The following LRRC2 variants were observed in gnomAD, a reference collection of about 807,000 sequenced individuals.
The protein encoded by LRRC2 is leucine-rich repeat-containing protein 2.
In LRRC2, 27 loss-of-function variants were observed where a neutral mutation model predicts 40.2. The observed-to-expected ratio is 0.67, with a 90% CI of 0.49 to 0.93. The LOEUF (loss-of-function observed/expected upper bound fraction) is 0.93, where lower values mean the gene tolerates loss of function less well. LRRC2 is among the 40% of genes least tolerant of loss of function. The pLI, the probability that LRRC2 is intolerant of heterozygous loss-of-function variation, is 0.00. For missense variants in LRRC2, 402 were observed against 439.6 expected, an observed-to-expected ratio of 0.91 and a Z score of 0.76; for synonymous variants, 147 against 158.9, an observed-to-expected ratio of 0.92 and a Z score of 0.56.
Position 46,518,808 on chromosome 3 carries a change from T to C in LRRC2, c.*206A>G, listed in dbSNP as rs956578893. 8.0e-6 allele frequency: 4 copies of C among 497,846 alleles called. No homozygotes were observed. Among genetic ancestry groups the C allele is most frequent in the Non-Finnish European group, 1.4e-5 (4 of 282,290 alleles). The allele number at this position is 497,846 out of a possible 1,614,324, so 30.8% of individuals were successfully genotyped here. On this transcript the variant is annotated 3_prime_UTR_variant, in exon 9 of 9. Transcript: ENST00000395905. ...ATGCAAATGAACCTGGAAATATCAA[T>C]ATACAAACCAATTTTTCAATTCTCC... is the stretch of plus-strand genomic sequence containing the variant.
At chr3:46,561,873 T>G (rs562687050) in intron 1 of LRRC2, among the ~76,000 whole-genome samples, 2 of 152,152 alleles carry the variant, frequency 1.3e-5, no homozygotes, top group African/African-American at 4.8e-5. Context: ...ATACCCCAGC[T>G]TGGTCCCCAG....
At chr3:46,543,618 T>TTAATAATAATAATAATAATAATAA (rs202012137) in intron 3 of LRRC2, among the ~76,000 whole-genome samples, 1 of 105,104 alleles carries the variant, frequency 9.5e-6, no homozygotes, top group African/African-American at 3.0e-5. Context: ...TCCATCTCAA[T>TTAATAATAATAATAATAATAATAA]TAATAATAAT....
intron 7 of LRRC2, among the ~76,000 whole-genome samples, chr3:46,525,327 T>G (rs540650216): frequency 2.6e-5 from 4 of 151,994 alleles, no homozygotes. Flanking sequence ...CATGACTCAC[T>G]GTAACATCGA....
chr3:46,540,263 G>A lies in LRRC2; in HGVS notation c.334-1062C>T, dbSNP rs138212377. On this transcript the variant is annotated intron_variant, in intron 3 of 8. Coordinates refer to ENST00000395905, the MANE Select transcript of LRRC2 (RefSeq NM_024512.5). ...AAGTGGGCCGGGCACAGTGGCTCAC[G>A]CCTGTAATCCCAGCAATTTGGGAGG... 3.9e-3 allele frequency among the ~76,000 whole-genome samples: 595 copies of A among 152,318 alleles called. 4 individuals carry two copies. Among genetic ancestry groups the A allele is most frequent in the African/African-American group, 0.013 (525 of 41,570 alleles).
Position 46,553,946 on chromosome 3 carries a change from T to G in LRRC2, c.-19-2336A>C, listed in dbSNP as rs1365407215. Among the ~76,000 whole-genome samples, 3 of 152,230 alleles carry G rather than the reference T, an allele frequency of 2.0e-5. No homozygotes were observed. The East Asian group carries it at 5.8e-4, about 29-fold the overall frequency. ...TGACCTAATTTATTCCCTTCTTTCC[T>G]TTGATTTCTGATGTCTGAGACTGCC... On this transcript the variant is annotated intron_variant, in intron 1 of 8. Coordinates refer to ENST00000395905, the MANE Select transcript of LRRC2 (RefSeq NM_024512.5).
chr3:46,531,507 G>C (rs1043483379), intron 5 of LRRC2, among the ~76,000 whole-genome samples: 12 of 152,194 alleles, frequency 7.9e-5, no homozygotes, highest in African/African-American at 2.4e-4. Flanking sequence ...GATGAGAACG[G>C]TTAGACAGAA....
rs1250590153 is a variant in LRRC2, at chr3:46,534,419, CCTTCCTTTCTTTCTTT to C, written c.491-1526_491-1511del. On this transcript the variant is annotated intron_variant, in intron 4 of 8. Coordinates refer to ENST00000395905, the MANE Select transcript of LRRC2 (RefSeq NM_024512.5). ...TTCTTTCTTTTCTTTTCTTTTCCTT[CCTTCCTTTCTTTCTTT>C]CTTTCTTTCTTTCTTTCTTTCTTTC... Among the ~76,000 whole-genome samples the C allele has an allele frequency of 5.6e-3, 623 of 111,122 alleles. 6 individuals carry two copies. The highest frequency in any genetic ancestry group is 0.015 in the African/African-American group (504 of 32,718). The allele number at this position is 111,122 out of a possible 152,430, so 72.9% of individuals were successfully genotyped here. A position where few individuals can be genotyped will look rare whatever the true frequency, so the allele number is the denominator to read the frequency against.
At chr3:46,556,868 C>T (rs957060417) in intron 1 of LRRC2, among the ~76,000 whole-genome samples, 7 of 152,116 alleles carry the variant, frequency 4.6e-5, no homozygotes, top group Non-Finnish European at 8.8e-5. Flanking sequence ...TGAGCCATCG[C>T]GCCCAGCCCC....
chr3:46,548,580 A>G (rs1000911601), intron 2 of LRRC2, among the ~76,000 whole-genome samples: 2 of 152,246 alleles, frequency 1.3e-5, no homozygotes, highest in Non-Finnish European at 2.9e-5. Context: ...TCTTCTAATT[A>G]AATCAATAAA....
intron 1 of LRRC2, chr3:46,558,891 G>A (rs1332412224): frequency 6.6e-6 from 1 of 152,228 alleles, no homozygotes; most frequent in Non-Finnish European, 1.5e-5. Flanking sequence ...AGTTGAACTC[G>A]TAGAAGTAGA....
At chr3:46,539,907 G>A (rs1012701663) in intron 3 of LRRC2, among the ~76,000 whole-genome samples, 3 of 152,120 alleles carry the variant, frequency 2.0e-5, no homozygotes, top group African/African-American at 4.8e-5. Context: ...GAGAGTTACC[G>A]AGCCCCCATT....
At chr3:46,557,049 G>C (rs1364014521) in intron 1 of LRRC2, among the ~76,000 whole-genome samples, 1 of 152,136 alleles carries the variant, frequency 6.6e-6, no homozygotes, top group African/African-American at 2.4e-5. Context: ...GTAATGCCCA[G>C]TGTCAGGCCT....
chr3:46,532,961 A>G (rs540265762), intron 4 of LRRC2, 52 bp from the exon 5 acceptor site: 2 of 1,571,742 alleles, frequency 1.3e-6, no homozygotes, highest in Non-Finnish European at 1.7e-6. Context: ...AAGGTCTTTT[A>G]AGAACAAAAA....
At chr3:46,553,558 T>C (rs1426662418) in intron 1 of LRRC2, among the ~76,000 whole-genome samples, 1 of 152,232 alleles carries the variant, frequency 6.6e-6, no homozygotes, top group Non-Finnish European at 1.5e-5. Flanking sequence ...TAGTGGCGCA[T>C]GTCTGTAGTC....
rs754576880 is a variant in LRRC2, at chr3:46,545,122, C to T, written c.257G>A (p.Arg86Lys). ...LDKIERNTLTRQSSLPKDRGK... is the reference protein window; with the variant it reads ...LDKIERNTLTKQSSLPKDRGK... ...TCTGTCCTTGGGAAGTGAACTCTGC[C>T]TTGTGAGAGTGTTCCTTTCAATCTT... The change falls in exon 3 of 9, where the codon AGG (arginine) becomes AAG (lysine). Residue 86 changes from arginine (R) to lysine (K), a missense_variant. By Grantham distance (26) the Arg-to-Lys change is conservative. Transcript: ENST00000395905. 3.1e-6 allele frequency: 5 copies of T among 1,614,044 alleles called. No homozygotes were observed. Among genetic ancestry groups the T allele is most frequent in the Non-Finnish European group, 4.2e-6 (5 of 1,180,036 alleles).
intron 3 of LRRC2, among the ~76,000 whole-genome samples, chr3:46,541,480 C>G (rs1704390843): frequency 6.6e-6 from 1 of 152,058 alleles, no homozygotes; most frequent in Non-Finnish European, 1.5e-5. Flanking sequence ...AGTACAGGAA[C>G]TTTTTAGGTG....
chr3:46,546,791 TC>T (rs1276329541), intron 2 of LRRC2, among the ~76,000 whole-genome samples: 1 of 142,520 alleles, frequency 7.0e-6, no homozygotes, highest in Admixed American at 7.5e-5. Context: ...CAGTCTCAGC[TC>T]ACTGCAACCT....
chr3:46,518,776 A>T lies in LRRC2; in HGVS notation c.*238T>A. On this transcript the variant is annotated 3_prime_UTR_variant, in exon 9 of 9. Transcript: ENST00000395905. ...ATATTAAATGTGCATTATTTGGAAA[A>T]AAGTATATGCAAATGAACCTGGAAA... 1 of 428,776 alleles carries T rather than the reference A, an allele frequency of 2.3e-6. No individual in the cohort carries two copies. The highest frequency in any genetic ancestry group is 4.1e-6 in the Non-Finnish European group (1 of 244,238). 26.6% of individuals were successfully genotyped at this position (428,776 alleles called of 1,614,324 possible).
chr3:46,527,404 C>T (rs1339971072), intron 7 of LRRC2, 22 bp downstream of exon 7: 2 of 1,613,560 alleles, frequency 1.2e-6, no homozygotes, highest in Admixed American at 1.7e-5. Flanking sequence ...AGTGTGTCTA[C>T]TGGGATTTCC....
Sources: allele counts gnomAD v4.1 joint callset (sites outside exome capture counted in the v4.1 genomes callset), GRCh38; gene constraint gnomAD v4.1.1; transcripts MANE v1.5; gene names NCBI Gene and HGNC (gene_info 2026-07-23, HGNC 2026-07-21).